The following SPATS2 variants were observed in gnomAD, a reference collection of about 807,000 sequenced individuals.
The protein encoded by SPATS2 is spermatogenesis-associated serine-rich protein 2.
Under a neutral mutation model 63.7 loss-of-function variants are expected in SPATS2, and 38 were observed. The ratio of observed to expected loss-of-function variants is 0.60; its 90% CI spans 0.46 to 0.78. The LOEUF is 0.78. Ranked by LOEUF, SPATS2 falls within the 30% of genes least tolerant of loss-of-function variation. The pLI is 0.00. For missense variants in SPATS2, 588 were observed against 666.2 expected, an observed-to-expected ratio of 0.88 and a Z score of 1.29; for synonymous variants, 207 against 232.9, an observed-to-expected ratio of 0.89 and a Z score of 1.01.
At chr12:49,506,161 A>G (rs1292979939) in intron 9 of SPATS2, among the ~76,000 whole-genome samples, 1 of 152,250 alleles carries the variant, frequency 6.6e-6, no homozygotes, top group African/African-American at 2.4e-5. Flanking sequence ...GGCTAGGCTA[A>G]GCTTTGATGT....
At chr12:49,394,352 A>AC (rs959438211) in intron 2 of SPATS2, among the ~76,000 whole-genome samples, 3 of 151,910 alleles carry the variant, frequency 2.0e-5, no homozygotes, top group Admixed American at 1.3e-4. Context: ...AAAAAAAAAA[A>AC]AAAAACAGAA....
Position 49,373,950 on chromosome 12 carries a change from G to T in SPATS2, c.-244+2660G>T, listed in dbSNP as rs146377616. Reference sequence around the variant, plus strand: ...AATAAATAAATTAGCTGGTCATAGTGGTTGGCGCCTGTAGTCATAGCTTTT... The same window carrying T: ...AATAAATAAATTAGCTGGTCATAGTTGTTGGCGCCTGTAGTCATAGCTTTT... On this transcript the variant is annotated intron_variant, in intron 2 of 13. Coordinates refer to ENST00000552918, the MANE Select transcript of SPATS2 (RefSeq NM_023071.4). Among the ~76,000 whole-genome samples the T allele has an allele frequency of 3.4e-4, 51 of 151,960 alleles. No individual in the cohort carries two copies. The East Asian group carries it at 9.3e-3, about 28-fold the overall frequency.
chr12:49,385,261 G>A (rs917006762), intron 2 of SPATS2, among the ~76,000 whole-genome samples: 3 of 151,282 alleles, frequency 2.0e-5, no homozygotes, highest in East Asian at 1.9e-4. Context: ...AGTATTTCAC[G>A]GGGTAATAAA....
intron 2 of SPATS2, among the ~76,000 whole-genome samples, chr12:49,440,218 ATCAC>A (rs1945392287): frequency 1.3e-5 from 2 of 152,128 alleles, no homozygotes; most frequent in African/African-American, 4.8e-5. Flanking sequence ...GTATTTCCTA[ATCAC>A]AAAGTCATTC....
chr12:49,488,150 T>C (rs1946325928), intron 4 of SPATS2, among the ~76,000 whole-genome samples: 2 of 152,008 alleles, frequency 1.3e-5, no homozygotes, highest in African/African-American at 4.8e-5. Context: ...GTTCAAGTGA[T>C]TCTCCTACCT....
chr12:49,522,934 T>TGAGGAATCAGTGG, intron 12 of SPATS2, 81 bp downstream of exon 12: 2 of 1,194,822 alleles, frequency 1.7e-6, no homozygotes, highest in Non-Finnish European at 2.4e-6. Context: ...TCACCACTGA[T>TGAGGAATCAGTGG]TCCTCATTAG....
At chr12:49,411,223 T>C (rs1944791523) in intron 2 of SPATS2, among the ~76,000 whole-genome samples, 1 of 152,142 alleles carries the variant, frequency 6.6e-6, no homozygotes, top group East Asian at 1.9e-4. Context: ...AGTTTATTGT[T>C]GTTAGCATAC....
At chr12:49,387,747 T>A (rs1221064266) in intron 2 of SPATS2, among the ~76,000 whole-genome samples, 1 of 151,538 alleles carries the variant, frequency 6.6e-6, no homozygotes, top group Non-Finnish European at 1.5e-5. Context: ...CTGAAGAGAT[T>A]AGGCCTGGTG....
rs1287567350 is a variant in SPATS2 at position 49,494,877 on chromosome 12, T to C, written c.401T>C (p.Val134Ala). The C allele has an allele frequency of 3.1e-6, 5 of 1,613,926 alleles. No homozygotes were observed. Among genetic ancestry groups the C allele is most frequent in the Non-Finnish European group, 4.2e-6 (5 of 1,180,016 alleles). Residue 134 changes from valine (V) to alanine (A), a missense_variant, in exon 7 of 14, where the codon GTC becomes GCC. Transcript: ENST00000552918. ...SEKGGMNGYH[V>A]NGAINDTESV... The stretch of plus-strand genomic sequence containing the variant: ...AAAGGTGGTATGAATGGCTACCATG[T>C]CAATGGTGCCATCAATGACACTGAG...
chr12:49,503,574 G>T (rs1266422754), intron 9 of SPATS2, among the ~76,000 whole-genome samples: 1 of 147,870 alleles, frequency 6.8e-6, no homozygotes, highest in Non-Finnish European at 1.5e-5. Context: ...GCGTGATCCC[G>T]GGAGGAGGAG....
intron 3 of SPATS2, chr12:49,462,575 G>A: frequency 3.2e-6 from 2 of 621,548 alleles, no homozygotes; most frequent in Non-Finnish European, 5.8e-6. Flanking sequence ...TGCACTCGTG[G>A]CTCCTGAGCT....
At chr12:49,378,320 C>T (rs190040287) in intron 2 of SPATS2, among the ~76,000 whole-genome samples, 7 of 138,890 alleles carry the variant, frequency 5.0e-5, no homozygotes, top group Non-Finnish European at 7.7e-5. Context: ...TCTTTTGAGA[C>T]GGAGTCTCAC....
chr12:49,487,019 A>G (rs1013919343), intron 4 of SPATS2, among the ~76,000 whole-genome samples: 3 of 152,196 alleles, frequency 2.0e-5, no homozygotes, highest in African/African-American at 4.8e-5. Context: ...TCCTAAAAAC[A>G]TTATTCACTG....
chr12:49,377,124 C>T (rs1020092988), intron 2 of SPATS2, among the ~76,000 whole-genome samples: 51 of 152,044 alleles, frequency 3.4e-4, no homozygotes, highest in African/African-American at 1.2e-3. Flanking sequence ...TGTCTAATTT[C>T]TTAAGTTGAT....
At chr12:49,411,873 T>C (rs1048705529) in intron 2 of SPATS2, among the ~76,000 whole-genome samples, 1 of 152,194 alleles carries the variant, frequency 6.6e-6, no homozygotes, top group African/African-American at 2.4e-5. Context: ...TCAGCTGTTT[T>C]AGTTTCTCTA....
At chr12:49,513,415 C>A (rs1182936377) in intron 9 of SPATS2, among the ~76,000 whole-genome samples, 1 of 151,994 alleles carries the variant, frequency 6.6e-6, no homozygotes, top group Non-Finnish European at 1.5e-5. Flanking sequence ...AAAGCAAAAC[C>A]GATATGGTAA....
intron 2 of SPATS2, among the ~76,000 whole-genome samples, chr12:49,416,769 G>A (rs1944897069): frequency 6.6e-6 from 1 of 152,196 alleles, no homozygotes; most frequent in Admixed American, 6.6e-5. Context: ...ACAGGCGTGA[G>A]CCACTGTGCC....
rs1299557258 is a variant in SPATS2, at chr12:49,494,997, G to C, written c.521G>C (p.Arg174Thr). ...PESAMLDTLDRTGSMLQNGVS... is the reference protein window; with the variant it reads ...PESAMLDTLDTTGSMLQNGVS... The stretch of plus-strand genomic sequence containing the variant: ...TCTGCCATGCTAGATACGCTGGATA[G>C]AACAGGTGAGTTTATTAACAGATTT... The change falls in exon 7 of 14, where the codon AGA becomes ACA. Residue 174 changes from arginine (R) to threonine (T), a missense_variant. Transcript: ENST00000552918. 1.3e-6 allele frequency: 2 copies of C among 1,579,426 alleles called. No individual in the cohort carries two copies. Among genetic ancestry groups the C allele is most frequent in the Non-Finnish European group, 1.7e-6 (2 of 1,162,268 alleles).
intron 3 of SPATS2, among the ~76,000 whole-genome samples, chr12:49,472,457 G>A (rs1946051442): frequency 6.6e-6 from 1 of 151,234 alleles, no homozygotes; most frequent in Non-Finnish European, 1.5e-5. Flanking sequence ...GAATGAAAAG[G>A]CAAGTTACAG....
Sources: gnomAD v4.1 joint callset for allele counts (sites outside exome capture counted in the v4.1 genomes callset) on GRCh38, gnomAD v4.1.1 for gene constraint, MANE v1.5 for transcripts, NCBI Gene and HGNC (gene_info 2026-07-23, HGNC 2026-07-21) for gene names.